The following APBB2 variants were observed in gnomAD, a reference collection of about 807,000 sequenced individuals.
The protein encoded by APBB2 is Fe65-like 1.
Under a neutral mutation model 82.5 loss-of-function variants are expected in APBB2, and 38 were observed. That is an observed-to-expected ratio of 0.46 (90% CI 0.36 to 0.60). The LOEUF (loss-of-function observed/expected upper bound fraction) is 0.60, where lower values mean the gene tolerates loss of function less well. APBB2 is among the 20% of genes least tolerant of loss of function. The pLI is 0.00. For synonymous variants in APBB2, 341 were observed against 368.2 expected (o/e 0.93, Z 0.85); for missense variants, 772 against 972.3 (o/e 0.79, Z 2.74).
intron 1 of APBB2, among the ~76,000 whole-genome samples, chr4:41,167,712 C>T (rs73248269): frequency 0.012 from 1,831 of 152,286 alleles, 11 homozygotes; most frequent in Non-Finnish European, 0.021. Context: ...GGTTCAAAAA[C>T]GGACAAACCC....
chr4:40,963,582 A>G (rs537878229), intron 6 of APBB2, among the ~76,000 whole-genome samples: 2 of 152,330 alleles, frequency 1.3e-5, no homozygotes, highest in East Asian at 1.9e-4. Context: ...ATTACTATAA[A>G]TGAAAGGCCT....
chr4:40,951,122 G>A (rs7658815), intron 6 of APBB2, among the ~76,000 whole-genome samples: 40,481 of 152,104 alleles, frequency 0.27, 5,492 homozygotes, highest in Non-Finnish European at 0.28. Context: ...TACCTGGAGT[G>A]GGGGAGAGAC....
chr4:41,181,285 C>A (rs952140960), intron 1 of APBB2, among the ~76,000 whole-genome samples: 1 of 152,134 alleles, frequency 6.6e-6, no homozygotes, highest in African/African-American at 2.4e-5. Flanking sequence ...TTTTGTTTCA[C>A]GCTACTCTTT....
intron 12 of APBB2, chr4:40,842,390 G>T: frequency 2.2e-6 from 1 of 455,696 alleles, no homozygotes; most frequent in South Asian, 1.6e-5. Context: ...ATCCGGGAAG[G>T]CGTGAGGGAA....
At chr4:40,933,467 G>A (rs1284806596) in intron 10 of APBB2, among the ~76,000 whole-genome samples, 6 of 152,170 alleles carry the variant, frequency 3.9e-5, no homozygotes, top group Non-Finnish European at 5.9e-5. Context: ...TGCCTGGACT[G>A]CGGGTAGGCA....
chr4:41,022,429 C>T (rs1022854261), intron 5 of APBB2, among the ~76,000 whole-genome samples: 1 of 152,178 alleles, frequency 6.6e-6, no homozygotes, highest in Non-Finnish European at 1.5e-5. Flanking sequence ...ATGCTCTGAT[C>T]GCATACATCA....
intron 2 of APBB2, among the ~76,000 whole-genome samples, chr4:41,126,299 G>A (rs531066738): frequency 2.6e-5 from 4 of 152,024 alleles, no homozygotes; most frequent in Admixed American, 1.3e-4. Flanking sequence ...CAGGAGGATC[G>A]CTTGAGACCA....
chr4:40,872,044 C>T (rs1765647333), intron 12 of APBB2, among the ~76,000 whole-genome samples: 1 of 152,208 alleles, frequency 6.6e-6, no homozygotes, highest in Non-Finnish European at 1.5e-5. Flanking sequence ...TTTCCCCAAC[C>T]CTTGAAGTGA....
Position 41,025,944 on chromosome 4 carries a change from C to CAAAAAAAAA in APBB2, c.19+7283_19+7291dup, listed in dbSNP as rs71198626. 3.0e-3 allele frequency among the ~76,000 whole-genome samples: 197 copies of CAAAAAAAAA among 66,716 alleles called. 1 individual carries two copies. Among genetic ancestry groups the CAAAAAAAAA allele is most frequent in the Non-Finnish European group, 3.8e-3 (128 of 33,684 alleles). The allele number at this position is 66,716 out of a possible 152,430, so 43.8% of individuals were successfully genotyped here. On this transcript the variant is annotated intron_variant, in intron 5 of 17. Coordinates refer to ENST00000508593, the MANE Select transcript of APBB2 (RefSeq NM_004307.2). ...GCGAAAGAGTGAGACTCCATCTCCA[C>CAAAAAAAAA]AAAAAAAAAAAAAAAAAAAGAAAAA... is the stretch of plus-strand genomic sequence containing the variant.
chr4:40,840,719 A>G (rs1433947626), intron 12 of APBB2, among the ~76,000 whole-genome samples: 1 of 152,186 alleles, frequency 6.6e-6, no homozygotes, highest in African/African-American at 2.4e-5. Context: ...CTCATGAGAC[A>G]CAGTGTGTAA....
intron 1 of APBB2, among the ~76,000 whole-genome samples, chr4:41,200,273 T>G (rs116763714): frequency 1.2e-3 from 180 of 152,318 alleles, no homozygotes; most frequent in African/African-American, 4.1e-3. Context: ...TAAAATTCAA[T>G]CAGCTTTCTT....
chr4:41,130,947 A>G (rs1755793721), intron 2 of APBB2, among the ~76,000 whole-genome samples: 1 of 152,130 alleles, frequency 6.6e-6, no homozygotes, highest in Non-Finnish European at 1.5e-5. Flanking sequence ...ACTGCTCCAC[A>G]TCATAAGGGC....
At chr4:41,022,445 C>T (rs1712005407) in intron 5 of APBB2, among the ~76,000 whole-genome samples, 1 of 152,132 alleles carries the variant, frequency 6.6e-6, no homozygotes, top group African/African-American at 2.4e-5. Flanking sequence ...CATCATCTTC[C>T]TTGTCCCTCC....
chr4:40,923,141 A>C (rs976142489), intron 10 of APBB2, among the ~76,000 whole-genome samples: 1 of 151,154 alleles, frequency 6.6e-6, no homozygotes, highest in Non-Finnish European at 1.5e-5. Flanking sequence ...GCGCCCGGCT[A>C]ATTTTTTGTA....
chr4:40,968,727 T>C (rs1795261641), intron 6 of APBB2, among the ~76,000 whole-genome samples: 1 of 152,168 alleles, frequency 6.6e-6, no homozygotes, highest in Non-Finnish European at 1.5e-5. Flanking sequence ...ACACTAAAAC[T>C]TGTTCATTCT....
At chr4:41,173,431 A>G (rs1400175382) in intron 1 of APBB2, among the ~76,000 whole-genome samples, 4 of 152,168 alleles carry the variant, frequency 2.6e-5, no homozygotes, top group Non-Finnish European at 4.4e-5. Flanking sequence ...ACAGATTCCT[A>G]TCGGCCAGGG....
chr4:41,090,710 A>C (rs1741383925), intron 3 of APBB2, among the ~76,000 whole-genome samples: 2 of 152,202 alleles, frequency 1.3e-5, no homozygotes, highest in African/African-American at 4.8e-5. Flanking sequence ...AGTATCAAAA[A>C]TTTTGCCAGA....
At chr4:40,943,813 G>A (rs1787654624) in intron 7 of APBB2, among the ~76,000 whole-genome samples, 1 of 152,160 alleles carries the variant, frequency 6.6e-6, no homozygotes, top group Non-Finnish European at 1.5e-5. Context: ...TACCAATGAG[G>A]GTATGGCTGC....
At chr4:40,830,403 T>C in intron 13 of APBB2, 60 bp downstream of exon 13, 1 of 1,219,492 alleles carries the variant, frequency 8.2e-7, no homozygotes, top group Non-Finnish European at 1.2e-6. Context: ...CCCTTCCACA[T>C]CCTTTTATGC....
Sources: gnomAD v4.1 joint callset for allele counts (sites outside exome capture counted in the v4.1 genomes callset) on GRCh38, gnomAD v4.1.1 for gene constraint, MANE v1.5 for transcripts, NCBI Gene and HGNC (gene_info 2026-07-23, HGNC 2026-07-21) for gene names.